Variants in HGF observed in about 807,000 individuals in gnomAD.
The protein encoded by HGF is fibroblast-derived tumor cytotoxic factor.
Under a neutral mutation model 111.6 loss-of-function variants are expected in HGF, and 39 were observed. That is an observed-to-expected ratio of 0.35 (90% CI 0.27 to 0.46). HGF has a LOEUF of 0.46. HGF is among the 20% of genes least tolerant of loss of function. The probability of loss-of-function intolerance (pLI) is 1.00; values close to 1 mark genes in which losing one functional copy is unlikely to be tolerated. For missense variants in HGF, 735 were observed against 910.5 expected (o/e 0.81, Z 2.48); for synonymous variants, 285 against 294.8 (o/e 0.97, Z 0.34).
chr7:81,758,869 A>G (rs1352706722), intron 2 of HGF, 65 bp from the exon 3 acceptor site: 1 of 1,039,574 alleles, frequency 9.6e-7, no homozygotes, highest in Non-Finnish European at 1.5e-6. Context: ...AAGAATGGGC[A>G]TATGGTTCAT....
At chr7:81,706,087 T>G (rs547508089) in intron 15 of HGF, among the ~76,000 whole-genome samples, 200 bp downstream of exon 15, 1 of 152,050 alleles carries the variant, frequency 6.6e-6, no homozygotes, top group South Asian at 2.1e-4. Flanking sequence ...AGTTATTCAT[T>G]TTTTTACAGT....
intron 13 of HGF, among the ~76,000 whole-genome samples, chr7:81,708,348 C>G (rs1789481613): frequency 6.6e-6 from 1 of 151,942 alleles, no homozygotes; most frequent in Non-Finnish European, 1.5e-5. Context: ...ATAGCTTCAC[C>G]TGCTTTTCCA....
At chr7:81,755,707 G>A (rs1048997061) in intron 4 of HGF, 2 of 370,898 alleles carry the variant, frequency 5.4e-6, no homozygotes, top group Admixed American at 4.4e-5. Context: ...TATGCAGGGA[G>A]TAACACCATG....
intron 11 of HGF, among the ~76,000 whole-genome samples, chr7:81,715,883 A>T (rs1562876297): frequency 6.6e-6 from 1 of 152,146 alleles, no homozygotes; most frequent in African/African-American, 2.4e-5. Flanking sequence ...CACAAGAAAA[A>T]CATTCTTAAA....
intron 13 of HGF, among the ~76,000 whole-genome samples, chr7:81,709,462 G>C (rs1032908077): frequency 6.6e-6 from 1 of 152,080 alleles, no homozygotes; most frequent in Non-Finnish European, 1.5e-5. Context: ...CAGATTTTAA[G>C]TTAACTTATA....
intron 8 of HGF, 24 bp downstream of exon 8, chr7:81,729,581 A>G (rs1201283986): frequency 3.8e-6 from 6 of 1,574,746 alleles, no homozygotes; most frequent in African/African-American, 2.7e-5. Flanking sequence ...ACTGAAATGT[A>G]TAACATTTGC....
chr7:81,740,037 C>T (rs951849345), intron 7 of HGF, among the ~76,000 whole-genome samples: 9 of 152,140 alleles, frequency 5.9e-5, no homozygotes, highest in Admixed American at 2.6e-4. Flanking sequence ...CATCTCTTTA[C>T]CCCCTTCCTC....
At chr7:81,753,922 C>T (rs1302622612) in intron 4 of HGF, among the ~76,000 whole-genome samples, 1 of 151,818 alleles carries the variant, frequency 6.6e-6, no homozygotes, top group Non-Finnish European at 1.5e-5. Context: ...TTACTTTTAG[C>T]TCCATCATTC....
chr7:81,715,981 T>C (rs1005849949), intron 11 of HGF, among the ~76,000 whole-genome samples: 1 of 152,168 alleles, frequency 6.6e-6, no homozygotes, highest in East Asian at 1.9e-4. Flanking sequence ...GTTGTAAACA[T>C]AGAGTTACAG....
At chr7:81,738,090 G>A (rs1787894421) in intron 7 of HGF, among the ~76,000 whole-genome samples, 1 of 152,216 alleles carries the variant, frequency 6.6e-6, no homozygotes, top group South Asian at 2.1e-4. Flanking sequence ...TGGTGGATAG[G>A]AGAAGGGAGA....
chr7:81,702,922 TTC>T (rs1286203341), intron 17 of HGF, among the ~76,000 whole-genome samples, 165 bp from the exon 18 acceptor site: 3 of 151,734 alleles, frequency 2.0e-5, no homozygotes, highest in African/African-American at 7.2e-5. Flanking sequence ...TTTGTTGACT[TTC>T]TACTGAATTA....
intron 7 of HGF, chr7:81,743,051 G>A (rs1246639298): frequency 3.0e-6 from 3 of 1,010,664 alleles, no homozygotes; most frequent in East Asian, 4.9e-5. Context: ...ACACATTTCC[G>A]ATCTTTTTCT....
intron 11 of HGF, among the ~76,000 whole-genome samples, chr7:81,712,860 T>C (rs953464566): frequency 6.6e-6 from 1 of 152,088 alleles, no homozygotes; most frequent in African/African-American, 2.4e-5. Context: ...TTTAAGTTCA[T>C]TTTTCAGATC....
intron 6 of HGF, among the ~76,000 whole-genome samples, chr7:81,744,228 C>A (rs980938206): frequency 4.6e-5 from 7 of 151,668 alleles, no homozygotes; most frequent in African/African-American, 1.7e-4. Flanking sequence ...TCTTTATAAT[C>A]AAAATAAATG....
intron 9 of HGF, among the ~76,000 whole-genome samples, chr7:81,722,857 A>T (rs901482884): frequency 1.4e-4 from 21 of 149,654 alleles, no homozygotes; most frequent in Admixed American, 2.0e-4. Flanking sequence ...ATATATATAT[A>T]TATATGTTGC....
At chr7:81,713,676 G>T (rs1198060095) in intron 11 of HGF, among the ~76,000 whole-genome samples, 1 of 151,970 alleles carries the variant, frequency 6.6e-6, no homozygotes, top group Admixed American at 6.6e-5. Flanking sequence ...TAAATTTCTG[G>T]GGATTCTGGG....
chr7:81,748,594 G>GTTT (rs1788367817), intron 5 of HGF, among the ~76,000 whole-genome samples: 1 of 152,130 alleles, frequency 6.6e-6, no homozygotes, highest in Non-Finnish European at 1.5e-5. Flanking sequence ...CAGTTTATAT[G>GTTT]TAGGAGTGCC....
Position 81,729,797 on chromosome 7 carries a change from CAACA to C in HGF, c.866-22_866-19del, listed in dbSNP as rs1562884472. 7 of 1,504,794 alleles carry C rather than the reference CAACA, an allele frequency of 4.7e-6. No homozygotes were observed. In the South Asian group the frequency reaches 8.1e-5, roughly 17 times the overall value. 93.2% of individuals were successfully genotyped at this position (1,504,794 alleles called of 1,614,324 possible). On this transcript the variant is annotated intron_variant, in intron 7 of 17. Transcript: ENST00000222390. ...ATTGTCAGCTATTGGCAAAAAACAA[CAACA>C]AAAAAAAACTTATATAAAATCTTTG...
chr7:81,702,027 C>T lies in HGF; in HGVS notation c.*554G>A, dbSNP rs759206756. Reference sequence around the variant, plus strand: ...TAGTGCATGCACATGTGTACCTAGGCATGTGTACATGGGTATGTGGTTTTG... The same window carrying T: ...TAGTGCATGCACATGTGTACCTAGGTATGTGTACATGGGTATGTGGTTTTG... On this transcript the variant is annotated 3_prime_UTR_variant, in exon 18 of 18. Transcript: ENST00000222390. 10 of 177,706 alleles carry T rather than the reference C, an allele frequency of 5.6e-5. No individual in the cohort carries two copies. Among genetic ancestry groups the T allele is most frequent in the Admixed American group, 3.8e-4 (6 of 15,856 alleles). The allele number at this position is 177,706 out of a possible 1,614,324, so 11.0% of individuals were successfully genotyped here.
Sources: allele counts gnomAD v4.1 joint callset (sites outside exome capture counted in the v4.1 genomes callset), GRCh38; gene constraint gnomAD v4.1.1; transcripts MANE v1.5; gene names NCBI Gene and HGNC (gene_info 2026-07-23, HGNC 2026-07-21).